PYGB: variants seen among roughly 807,000 people sequenced by gnomAD.
PYGB encodes the protein glycogen phosphorylase B.
PYGB carries 82 observed loss-of-function variants against 94.3 expected under a neutral mutation model. The observed-to-expected ratio is 0.87, with a 90% CI of 0.73 to 1.04. PYGB has a LOEUF of 1.04. Among genes scored for constraint, PYGB ranks in the 50% least tolerant of loss-of-function variants. PYGB has a pLI of 0.00. For synonymous variants in PYGB, 488 were observed against 479.1 expected (o/e 1.02, Z -0.24); for missense variants, 1,132 against 1,158.2 (o/e 0.98, Z 0.33).
rs1345651181 is a variant in PYGB, at chr20:25,271,444, T to C, written c.486T>C (p.Tyr162=). The C allele has an allele frequency of 3.7e-6, 6 of 1,614,198 alleles. No homozygotes were observed. The highest frequency in any genetic ancestry group is 1.1e-5 in the South Asian group (1 of 91,084). Residue 162 remains tyrosine, a synonymous_variant, in exon 4 of 20, where the codon TAT becomes TAC. Transcript: ENST00000216962. ...CAGCATACGGCTATGGAATCCGCTA[T>C]GAATTTGGGATTTTTAACCAGAAGA... ...GLAAYGYGIR[Y]EFGIFNQKIV...
chr20:25,291,337 G>T (rs1362193776), intron 16 of PYGB, among the ~76,000 whole-genome samples: 1 of 152,146 alleles, frequency 6.6e-6, no homozygotes, highest in East Asian at 1.9e-4. Flanking sequence ...GATGGTGGGA[G>T]ATCTGAGCCT....
In PYGB at chr20:25,280,551, C is replaced by T; in HGVS notation, c.1239+139C>T. ...AGCAGAGGATGCTTGGGGCTGGGGG[C>T]TGTCCCTTGGCAGAGCTATTGGCTG... On this transcript the variant is annotated intron_variant, in intron 10 of 19. Coordinates refer to ENST00000216962, the MANE Select transcript of PYGB (RefSeq NM_002862.4). The T allele has an allele frequency of 4.8e-6, 6 of 1,240,414 alleles. 1 individual carries two copies. The South Asian group carries it at 7.3e-5, about 15-fold the overall frequency. The allele number at this position is 1,240,414 out of a possible 1,614,324, so 76.8% of individuals were successfully genotyped here.
rs1555806382 is a variant in PYGB at position 25,270,203 on chromosome 20, T to TG, written c.424+996_424+997insG. On this transcript the variant is annotated intron_variant, in intron 3 of 19. Coordinates refer to ENST00000216962, the MANE Select transcript of PYGB (RefSeq NM_002862.4). The stretch of plus-strand genomic sequence containing the variant: ...AATCCTGAAGTTTTTTTTGTTTTGT[T>TG]TTGTTTTTTTTTTTTTTGAGATGGA... 1.3e-3 allele frequency among the ~76,000 whole-genome samples: 151 copies of TG among 113,116 alleles called. 2 individuals are homozygous for TG. Among genetic ancestry groups the TG allele is most frequent in the African/African-American group, 6.6e-3 (146 of 22,156 alleles). 74.2% of individuals were successfully genotyped at this position (113,116 alleles called of 152,430 possible).
At chr20:25,255,736 C>CTTT (rs777407638) in intron 1 of PYGB, among the ~76,000 whole-genome samples, 3 of 145,104 alleles carry the variant, frequency 2.1e-5, no homozygotes, top group African/African-American at 7.6e-5. Context: ...CCGCCCAACT[C>CTTT]TTTTTTTTTT....
intron 7 of PYGB, 67 bp from the exon 8 acceptor site, chr20:25,278,252 G>C: frequency 2.0e-6 from 1 of 501,142 alleles, no homozygotes; most frequent in African/African-American, 7.4e-5. Flanking sequence ...CCAGGTCGCT[G>C]ACCTGGGCTT....
Position 25,274,687 on chromosome 20 carries a change from G to T in PYGB, c.624G>T (p.Glu208Asp), listed in dbSNP as rs1175085603. ...MLPVHFYGRV[E>D]HTPDGVKWLD... The stretch of plus-strand genomic sequence containing the variant: ...CCGTGCACTTCTACGGACGCGTGGA[G>T]CACACCCCCGACGGCGTGAAGTGGC... The change falls in exon 5 of 20, where the codon GAG (glutamate) becomes GAT (aspartate). Residue 208 changes from glutamate (E) to aspartate (D), a missense_variant. By Grantham distance (45) the Glu-to-Asp change is conservative (BLOSUM62 2). Transcript: ENST00000216962. 6.2e-7 allele frequency: 1 copy of T among 1,613,684 alleles called. No homozygotes were observed. The highest frequency in any genetic ancestry group is 2.2e-5 in the East Asian group (1 of 44,888).
chr20:25,282,310 G>A (rs1035385564), intron 12 of PYGB, among the ~76,000 whole-genome samples, 163 bp downstream of exon 12: 1 of 152,250 alleles, frequency 6.6e-6, no homozygotes, highest in African/African-American at 2.4e-5. Flanking sequence ...GAACATGGGC[G>A]CTGAGCTGGG....
At chr20:25,248,524 C>T in intron 1 of PYGB, 103 bp downstream of exon 1, 1 of 1,231,878 alleles carries the variant, frequency 8.1e-7, no homozygotes, top group Non-Finnish European at 1.0e-6. Context: ...CGGGCGTTAC[C>T]TGCGCCCCTA....
At position 25,297,187 on chromosome 20, in the gene PYGB, G is replaced by A. The variant is rs200432068; in HGVS notation, c.*665G>A. On this transcript the variant is annotated 3_prime_UTR_variant, in exon 20 of 20. Coordinates refer to ENST00000216962, the MANE Select transcript of PYGB (RefSeq NM_002862.4). Reference sequence around the variant, plus strand: ...TGGGTGCTTGGAACCCGGGATGACTGAGGGGGACACTGGAGTGGGTGCTTG... The same window carrying A: ...TGGGTGCTTGGAACCCGGGATGACTAAGGGGGACACTGGAGTGGGTGCTTG... 1 of 152,668 alleles carries A rather than the reference G, an allele frequency of 6.6e-6. No individual in the cohort carries two copies. Among genetic ancestry groups the A allele is most frequent in the Non-Finnish European group, 1.5e-5 (1 of 68,370 alleles). 9.5% of individuals were successfully genotyped at this position (152,668 alleles called of 1,614,324 possible).
intron 1 of PYGB, among the ~76,000 whole-genome samples, chr20:25,250,292 C>G (rs1384481421): frequency 1.3e-5 from 2 of 152,286 alleles, no homozygotes; most frequent in Non-Finnish European, 2.9e-5. Context: ...TAATCACATC[C>G]TGGAGAGGCC....
At position 25,288,468 on chromosome 20, in the gene PYGB, T is replaced by G. The variant is rs746931784; in HGVS notation, c.1812T>G (p.Val604=). The part of the protein sequence containing the change: ...DPAKAFVPRT[V]MIGGKAAPGY... The stretch of plus-strand genomic sequence containing the variant: ...CCAAGGCTTTTGTGCCCAGGACTGT[T>G]ATGATTGGGGGCAAGGTGAGTGACT... The change falls in exon 15 of 20, where the codon GTT becomes GTG. Residue 604 remains valine (V), a synonymous_variant. Coordinates refer to ENST00000216962, the MANE Select transcript of PYGB (RefSeq NM_002862.4). 6.2e-7 allele frequency: 1 copy of G among 1,614,034 alleles called. No individual in the cohort carries two copies. Among genetic ancestry groups the G allele is most frequent in the East Asian group, 2.2e-5 (1 of 44,858 alleles).
chr20:25,293,003 T>C (rs2145901271), intron 17 of PYGB, among the ~76,000 whole-genome samples: 1 of 152,240 alleles, frequency 6.6e-6, no homozygotes, highest in Non-Finnish European at 1.5e-5. Flanking sequence ...CCAGGGGCGC[T>C]CTGCCGGGAG....
intron 13 of PYGB, among the ~76,000 whole-genome samples, chr20:25,283,848 G>C (rs770672019): frequency 4.6e-5 from 7 of 152,074 alleles, no homozygotes; most frequent in Non-Finnish European, 8.8e-5. Flanking sequence ...AGTGTCTTCT[G>C]CTTGGCTCCA....
At chr20:25,295,117 G>T in intron 18 of PYGB, 1 of 1,364,578 alleles carries the variant, frequency 7.3e-7, no homozygotes, top group Non-Finnish European at 1.0e-6. Context: ...AAATGCATTT[G>T]TAGATTCATA....
chr20:25,266,919 A>G (rs149985048), intron 2 of PYGB, among the ~76,000 whole-genome samples: 93 of 152,368 alleles, frequency 6.1e-4, no homozygotes, highest in African/African-American at 1.9e-3. Context: ...ACTTTGGAAA[A>G]TAGTCTGCTA....
At chr20:25,266,062 G>T (rs2088215678) in intron 2 of PYGB, among the ~76,000 whole-genome samples, 1 of 151,608 alleles carries the variant, frequency 6.6e-6, no homozygotes, top group Non-Finnish European at 1.5e-5. Flanking sequence ...TGTTGGTCAG[G>T]CTGTTCTCAA....
At chr20:25,272,825 C>T (rs568068238) in intron 4 of PYGB, among the ~76,000 whole-genome samples, 19 of 152,208 alleles carry the variant, frequency 1.2e-4, no homozygotes, top group Non-Finnish European at 2.6e-4. Flanking sequence ...CCCCAGCAGT[C>T]CCCATGTCAC....
At chr20:25,263,796 A>G (rs1568685769) in intron 2 of PYGB, among the ~76,000 whole-genome samples, 1 of 152,240 alleles carries the variant, frequency 6.6e-6, no homozygotes, top group Non-Finnish European at 1.5e-5. Context: ...TTAATAGCCT[A>G]GCAACCAAAA....
chr20:25,292,675 T>C, intron 17 of PYGB, 62 bp downstream of exon 17: 2 of 1,546,978 alleles, frequency 1.3e-6, no homozygotes, highest in Non-Finnish European at 1.7e-6. Flanking sequence ...GGTGTTGGGC[T>C]GGGGGCATTG....
Sources: allele counts gnomAD v4.1 joint callset (sites outside exome capture counted in the v4.1 genomes callset), GRCh38; gene constraint gnomAD v4.1.1; transcripts MANE v1.5; gene names NCBI Gene and HGNC (gene_info 2026-07-23, HGNC 2026-07-21).